Variants in NKAIN2 observed in about 807,000 individuals in gnomAD.
NKAIN2 encodes sodium/potassium-transporting ATPase subunit beta-1-interacting protein 2.
NKAIN2 carries 14 observed loss-of-function variants against 32.6 expected under a neutral mutation model. The observed-to-expected ratio is 0.43, with a 90% CI of 0.28 to 0.67. The LOEUF (loss-of-function observed/expected upper bound fraction) is 0.67, where lower values mean the gene tolerates loss of function less well. Ranked by LOEUF, NKAIN2 falls within the 30% of genes least tolerant of loss-of-function variation. The pLI, the probability that NKAIN2 is intolerant of heterozygous loss-of-function variation, is 0.17. For synonymous variants in NKAIN2, 80 were observed against 87.2 expected (o/e 0.92, Z 0.46); for missense variants, 198 against 258.3 (o/e 0.77, Z 1.60).
chr6:124,658,481 G>C, intron 4 of NKAIN2, 95 bp downstream of exon 4: 1 of 1,579,680 alleles, frequency 6.3e-7, no homozygotes, highest in South Asian at 1.2e-5. Flanking sequence ...TGTGGGTAAA[G>C]TGTGGCCTTT....
intron 3 of NKAIN2, among the ~76,000 whole-genome samples, chr6:124,359,037 C>T (rs1383450004): frequency 6.6e-6 from 1 of 151,980 alleles, no homozygotes. Flanking sequence ...GGAATCCTTT[C>T]CCCATTTCTT....
At chr6:124,243,949 G>A (rs1288149024) in intron 1 of NKAIN2, among the ~76,000 whole-genome samples, 3 of 151,998 alleles carry the variant, frequency 2.0e-5, no homozygotes, top group African/African-American at 4.8e-5. Flanking sequence ...AATAATTTGA[G>A]CCTTTTGTTT....
rs1423179010 is a variant in NKAIN2, at chr6:124,460,182, A to C, written c.273+104835A>C. 1.3e-5 allele frequency among the ~76,000 whole-genome samples: 2 copies of C among 150,336 alleles called. 1 individual carries two copies. Among genetic ancestry groups the C allele is most frequent in the South Asian group, 4.2e-4 (2 of 4,742 alleles). ...TTAGCCTTTAGCCTTTCTCTTTTTCACTCCCTGTCTTTGCCTCTCAGCTTT... is the reference window on the plus strand; with the variant it reads ...TTAGCCTTTAGCCTTTCTCTTTTTCCCTCCCTGTCTTTGCCTCTCAGCTTT... On this transcript the variant is annotated intron_variant, in intron 3 of 6. Transcript: ENST00000368417.
chr6:123,997,632 C>A (rs2114703969), intron 1 of NKAIN2, among the ~76,000 whole-genome samples: 1 of 125,484 alleles, frequency 8.0e-6, no homozygotes, highest in Non-Finnish European at 1.6e-5. Context: ...GAGACAGAGT[C>A]TCGCTCTGTT....
At chr6:124,587,444 T>G (rs1781751341) in intron 3 of NKAIN2, among the ~76,000 whole-genome samples, 1 of 151,454 alleles carries the variant, frequency 6.6e-6, no homozygotes, top group Non-Finnish European at 1.5e-5. Flanking sequence ...GGTCTCGAAC[T>G]CCTGACCTCG....
intron 1 of NKAIN2, among the ~76,000 whole-genome samples, chr6:123,959,821 T>G (rs866001141): frequency 1.4e-5 from 2 of 147,006 alleles, no homozygotes; most frequent in Admixed American, 6.9e-5. Context: ...TATATGGGGG[T>G]GGGGGGTACA....
chr6:124,471,145 C>T (rs1467090292), intron 3 of NKAIN2, among the ~76,000 whole-genome samples: 2 of 152,102 alleles, frequency 1.3e-5, no homozygotes, highest in Non-Finnish European at 2.9e-5. Flanking sequence ...AGGATTTTTG[C>T]TTTCCTTGCT....
intron 3 of NKAIN2, among the ~76,000 whole-genome samples, chr6:124,470,173 G>A (rs1776916045): frequency 6.6e-6 from 1 of 152,176 alleles, no homozygotes; most frequent in African/African-American, 2.4e-5. Flanking sequence ...AGTGTGACAA[G>A]GATGAGGAAC....
At chr6:124,389,741 GTGT>G (rs1562149402) in intron 3 of NKAIN2, among the ~76,000 whole-genome samples, 30 of 151,240 alleles carry the variant, frequency 2.0e-4, no homozygotes, top group East Asian at 1.4e-3. Flanking sequence ...GTGTGTGTGT[GTGT>G]GTGTGTGGGT....
At chr6:124,686,766 C>T (rs530639522) in intron 4 of NKAIN2, among the ~76,000 whole-genome samples, 1 of 152,166 alleles carries the variant, frequency 6.6e-6, no homozygotes, top group African/African-American at 2.4e-5. Flanking sequence ...ATGGTTAATA[C>T]TGAGTGTAAA....
chr6:124,008,341 C>CA (rs1160311161), intron 1 of NKAIN2, among the ~76,000 whole-genome samples: 2 of 152,008 alleles, frequency 1.3e-5, no homozygotes, highest in Admixed American at 1.3e-4. Flanking sequence ...AATGTAAACA[C>CA]TTTTGTTCAA....
At chr6:123,900,531 A>ATTTTTTTTTTT (rs1774515956) in intron 1 of NKAIN2, among the ~76,000 whole-genome samples, 1 of 23,850 alleles carries the variant, frequency 4.2e-5, no homozygotes, top group Non-Finnish European at 1.4e-4. Flanking sequence ...TCTCCAGATT[A>ATTTTTTTTTTT]GTTTTTTTTT....
rs1491034238 is a variant in NKAIN2, at chr6:124,276,323, CAT to C, written c.55-6680_55-6679del. On this transcript the variant is annotated intron_variant, in intron 1 of 6. Transcript: ENST00000368417. ...ACACACACACACACACACACACACA[CAT>C]ACACACCATCCTAACAAGTATGTAC... Among the ~76,000 whole-genome samples the C allele has an allele frequency of 1.3e-3, 202 of 151,388 alleles. 1 individual carries two copies. The highest frequency in any genetic ancestry group is 7.8e-3 in the East Asian group (40 of 5,148).
rs548301885 is a variant in NKAIN2, at chr6:123,886,174, A to G, written c.54+81920A>G. 4.6e-5 allele frequency among the ~76,000 whole-genome samples: 7 copies of G among 152,186 alleles called. No homozygotes were observed. The South Asian group carries it at 1.5e-3, about 32-fold the overall frequency. On this transcript the variant is annotated intron_variant, in intron 1 of 6. Coordinates refer to ENST00000368417, the MANE Select transcript of NKAIN2 (RefSeq NM_001040214.3). ...ACTGGTGAAAGTAAATGTACACACA[A>G]CCTTTCAAGTTGATAGTTTGGCAGA...
intron 3 of NKAIN2, among the ~76,000 whole-genome samples, chr6:124,635,813 G>A (rs1462703133): frequency 6.6e-6 from 1 of 152,042 alleles, no homozygotes; most frequent in African/African-American, 2.4e-5. Context: ...TAGTGCCAAA[G>A]AGAGAAGTAG....
intron 1 of NKAIN2, among the ~76,000 whole-genome samples, chr6:123,973,113 A>T (rs1361956844): frequency 6.6e-6 from 1 of 152,138 alleles, no homozygotes; most frequent in Non-Finnish European, 1.5e-5. Context: ...TTCATCTCTA[A>T]GCAATCTTCT....
intron 1 of NKAIN2, among the ~76,000 whole-genome samples, chr6:124,187,296 C>A (rs373922759): frequency 5.9e-5 from 9 of 152,232 alleles, no homozygotes; most frequent in Middle Eastern, 3.4e-3. Context: ...CATTCAAAGA[C>A]GACTCAGAAA....
intron 3 of NKAIN2, among the ~76,000 whole-genome samples, chr6:124,626,151 C>CT (rs533966442): frequency 2.9e-5 from 4 of 139,540 alleles, no homozygotes; most frequent in South Asian, 4.6e-4. Context: ...TGTATCACCA[C>CT]TTTAAAATAG....
intron 4 of NKAIN2, among the ~76,000 whole-genome samples, chr6:124,752,723 A>C (rs1036274403): frequency 6.6e-6 from 1 of 152,112 alleles, no homozygotes; most frequent in Non-Finnish European, 1.5e-5. Context: ...TATGCTCATT[A>C]TACAAAGATG....
Sources: allele counts gnomAD v4.1 joint callset (sites outside exome capture counted in the v4.1 genomes callset), GRCh38; gene constraint gnomAD v4.1.1; transcripts MANE v1.5; gene names NCBI Gene and HGNC (gene_info 2026-07-23, HGNC 2026-07-21).